Variants in VEPH1 observed in about 807,000 individuals in gnomAD.
VEPH1 encodes the protein ventricular zone-expressed PH domain-containing protein homolog 1.
A neutral mutation model predicts 85.2 loss-of-function variants in VEPH1; 80 were observed. The ratio of observed to expected loss-of-function variants is 0.94; its 90% CI spans 0.78 to 1.13. The LOEUF (loss-of-function observed/expected upper bound fraction) is 1.13, where lower values mean the gene tolerates loss of function less well. Among genes scored for constraint, VEPH1 ranks in the 50% most tolerant of loss-of-function variants. VEPH1 has a pLI of 0.00. For synonymous variants in VEPH1, 297 were observed against 348.0 expected (o/e 0.85, Z 1.63); for missense variants, 955 against 980.5 (o/e 0.97, Z 0.35).
chr3:157,347,942 C>G (rs753845899), intron 9 of VEPH1, among the ~76,000 whole-genome samples: 1 of 152,226 alleles, frequency 6.6e-6, no homozygotes, highest in Non-Finnish European at 1.5e-5. Context: ...CTGGGCGCCA[C>G]GTTGAGACCA....
intron 9 of VEPH1, among the ~76,000 whole-genome samples, chr3:157,325,961 T>C (rs1293443607): frequency 1.3e-5 from 2 of 152,374 alleles, no homozygotes; most frequent in East Asian, 3.9e-4. Flanking sequence ...TTCCTATCCA[T>C]GACCATGGAA....
intron 11 of VEPH1, among the ~76,000 whole-genome samples, chr3:157,291,937 C>T (rs1717519830): frequency 6.6e-6 from 1 of 152,114 alleles, no homozygotes; most frequent in Admixed American, 6.5e-5. Context: ...AAATCTATCT[C>T]TCTCTCTATA....
At chr3:157,265,949 T>C (rs574925121) in intron 12 of VEPH1, among the ~76,000 whole-genome samples, 1 of 151,562 alleles carries the variant, frequency 6.6e-6, no homozygotes, top group East Asian at 1.9e-4. Context: ...GATATTTAGC[T>C]TTCTGTGCTT....
intron 11 of VEPH1, among the ~76,000 whole-genome samples, chr3:157,300,238 A>C (rs530192681): frequency 6.6e-5 from 10 of 152,220 alleles, no homozygotes; most frequent in Non-Finnish European, 1.2e-4. Context: ...AAAAGAACCC[A>C]ACCACTATTA....
intron 2 of VEPH1, among the ~76,000 whole-genome samples, chr3:157,492,330 A>C (rs79475197): frequency 2.6e-4 from 39 of 152,314 alleles, no homozygotes; most frequent in African/African-American, 9.1e-4. Context: ...TTTCATTGTA[A>C]ATCAGTACAT....
chr3:157,366,424 C>A (rs10936084), intron 7 of VEPH1, among the ~76,000 whole-genome samples: 36,546 of 151,506 alleles, frequency 0.24, 5,101 homozygotes, highest in Admixed American at 0.44. Flanking sequence ...CTTAAAAAAA[C>A]AAGAAAGAAA....
chr3:157,314,175 A>T (rs2108516835), intron 10 of VEPH1, among the ~76,000 whole-genome samples: 1 of 150,748 alleles, frequency 6.6e-6, no homozygotes, highest in East Asian at 1.9e-4. Flanking sequence ...TACTAAAAAT[A>T]AAAAAAAATT....
intron 4 of VEPH1, among the ~76,000 whole-genome samples, chr3:157,458,882 T>C (rs1460144111): frequency 6.6e-6 from 1 of 152,166 alleles, no homozygotes; most frequent in African/African-American, 2.4e-5. Flanking sequence ...AGGGAGTCCT[T>C]CCCCCACTGA....
At chr3:157,294,656 T>C (rs1401906700) in intron 11 of VEPH1, among the ~76,000 whole-genome samples, 1 of 152,184 alleles carries the variant, frequency 6.6e-6, no homozygotes, top group African/African-American at 2.4e-5. Context: ...TGAGCAAAAA[T>C]TTTTCTGTGA....
intron 1 of VEPH1, among the ~76,000 whole-genome samples, chr3:157,495,999 T>C (rs1315304766): frequency 1.3e-5 from 2 of 152,184 alleles, no homozygotes; most frequent in Admixed American, 6.5e-5. Flanking sequence ...ACGCTAGCAG[T>C]AGAAGTTCCC....
chr3:157,482,515 C>T (rs189386877), intron 2 of VEPH1, among the ~76,000 whole-genome samples: 52 of 152,236 alleles, frequency 3.4e-4, no homozygotes, highest in Admixed American at 1.9e-3. Context: ...GAGCCACCCA[C>T]GCCCAGCTGA....
At chr3:157,306,271 A>G (rs182069927) in intron 11 of VEPH1, among the ~76,000 whole-genome samples, 1 of 152,182 alleles carries the variant, frequency 6.6e-6, no homozygotes, top group African/African-American at 2.4e-5. Flanking sequence ...TCCTTACCCA[A>G]AGGCAACCTC....
At chr3:157,483,759 A>C (rs1738357834) in intron 2 of VEPH1, among the ~76,000 whole-genome samples, 1 of 152,150 alleles carries the variant, frequency 6.6e-6, no homozygotes, top group Non-Finnish European at 1.5e-5. Flanking sequence ...AATACGACGG[A>C]TAGGAGGGCG....
chr3:157,391,125 C>T (rs1249456987), intron 6 of VEPH1, among the ~76,000 whole-genome samples: 1 of 152,228 alleles, frequency 6.6e-6, no homozygotes, highest in Non-Finnish European at 1.5e-5. Context: ...ACGCCTGTCT[C>T]ACCTGTGGTG....
intron 9 of VEPH1, among the ~76,000 whole-genome samples, chr3:157,353,000 G>A (rs576074947): frequency 6.6e-6 from 1 of 152,190 alleles, no homozygotes; most frequent in African/African-American, 2.4e-5. Flanking sequence ...TATACTCTTG[G>A]GATAAGTGTG....
intron 3 of VEPH1, among the ~76,000 whole-genome samples, chr3:157,466,630 G>A (rs1471825886): frequency 6.6e-6 from 1 of 152,220 alleles, no homozygotes; most frequent in East Asian, 1.9e-4. Flanking sequence ...GAGATTTAGA[G>A]AGAGAAAATA....
intron 5 of VEPH1, among the ~76,000 whole-genome samples, chr3:157,415,523 C>A (rs754268415): frequency 7.9e-5 from 12 of 152,150 alleles, no homozygotes; most frequent in Non-Finnish European, 1.6e-4. Context: ...GTTATTCCAA[C>A]AGCCTCCTAA....
chr3:157,310,104 T>G (rs1719948062), intron 11 of VEPH1, among the ~76,000 whole-genome samples: 1 of 152,256 alleles, frequency 6.6e-6, no homozygotes, highest in Admixed American at 6.5e-5. Flanking sequence ...TGAATTTGAT[T>G]GAATTTTATA....
At chr3:157,313,893 T>G in intron 10 of VEPH1, 138 bp from the exon 11 acceptor site, 3 of 1,133,752 alleles carry the variant, frequency 2.6e-6, no homozygotes, top group Non-Finnish European at 3.7e-6. Flanking sequence ...GAAAAAGATC[T>G]GTCTTAAAGA....
Sources: gnomAD v4.1 joint callset for allele counts (sites outside exome capture counted in the v4.1 genomes callset) on GRCh38, gnomAD v4.1.1 for gene constraint, MANE v1.5 for transcripts, NCBI Gene and HGNC (gene_info 2026-07-23, HGNC 2026-07-21) for gene names.